The following CTSC variants were observed in gnomAD, a reference collection of about 807,000 sequenced individuals.
The protein encoded by CTSC is cathepsin C.
In CTSC, 37 loss-of-function variants were observed where a neutral mutation model predicts 40.9. The observed-to-expected ratio is 0.91, with a 90% CI of 0.70 to 1.19. The LOEUF (loss-of-function observed/expected upper bound fraction) is 1.19. CTSC is among the 50% of genes most tolerant of loss of function. The probability of loss-of-function intolerance (pLI) is 0.00; values close to 1 mark genes in which losing one functional copy is unlikely to be tolerated. For missense variants in CTSC, 594 were observed against 567.3 expected (o/e 1.05, Z -0.48); for synonymous variants, 232 against 207.4 (o/e 1.12, Z -1.02).
At chr11:88,296,368 G>A in intron 5 of CTSC, 104 bp from the exon 6 acceptor site, 2 of 1,405,228 alleles carry the variant, frequency 1.4e-6, no homozygotes, top group Admixed American at 1.8e-5. Context: ...TATACTGAAT[G>A]TTGTTGTTTA....
chr11:88,294,294 C>A lies in CTSC; in HGVS notation c.1104G>T (p.Gly368=), dbSNP rs1479718336. The change falls in exon 7 of 7, where the codon GGG becomes GGT. Residue 368 remains glycine (G), a synonymous_variant. Transcript: ENST00000227266. ...ATACTTCAAAAGCAACTGCCATGGG[C>A]CCATGATGGACCAACTCAAGCTTCA... ...ALMKLELVHH[G]PMAVAFEVYD... The A allele has an allele frequency of 6.2e-7, 1 of 1,614,056 alleles. No homozygotes were observed. Among genetic ancestry groups the A allele is most frequent in the East Asian group, 2.2e-5 (1 of 44,864 alleles).
intron 4 of CTSC, among the ~76,000 whole-genome samples, chr11:88,306,942 C>G (rs962695468): frequency 1.3e-5 from 2 of 152,208 alleles, no homozygotes; most frequent in Non-Finnish European, 2.9e-5. Context: ...AAGCACCCCC[C>G]ATGGCCTCTG....
At chr11:88,325,502 CTATT>C (rs1289395829) in intron 2 of CTSC, 4 of 985,254 alleles carry the variant, frequency 4.1e-6, no homozygotes, top group Admixed American at 6.2e-5. Context: ...GCTTTTTTCA[CTATT>C]TAGCCCCAAG....
Position 88,330,355 on chromosome 11 carries a change from T to G in CTSC, c.318+4582A>C, listed in dbSNP as rs530359825. Among the ~76,000 whole-genome samples, 5 of 152,128 alleles carry G rather than the reference T, an allele frequency of 3.3e-5. No homozygotes were observed. The East Asian group carries it at 9.7e-4, about 29-fold the overall frequency. On this transcript the variant is annotated intron_variant, in intron 2 of 6. Transcript: ENST00000227266. ...GAGGATGCTGAGTAAGAAAAAATCT[T>G]TCATTTTTTTATTATTATTATTATT...
intron 5 of CTSC, chr11:88,298,187 C>T (rs113324745): frequency 1.2e-4 from 19 of 152,236 alleles, no homozygotes; most frequent in African/African-American, 4.6e-4. Context: ...CTAGACTTTA[C>T]GCATTATGAA....
At chr11:88,327,823 G>T in intron 2 of CTSC, 1 of 421,754 alleles carries the variant, frequency 2.4e-6, no homozygotes, top group Non-Finnish European at 4.4e-6. Context: ...TTTTAGCTGG[G>T]TCTTTACCCT....
intron 4 of CTSC, among the ~76,000 whole-genome samples, chr11:88,304,233 C>T (rs1451267568): frequency 1.3e-5 from 2 of 152,082 alleles, no homozygotes; most frequent in Non-Finnish European, 1.5e-5. Flanking sequence ...TATAATCATG[C>T]TTACCTCAAA....
At chr11:88,297,533 G>A (rs1944312078) in intron 5 of CTSC, 1 of 152,124 alleles carries the variant, frequency 6.6e-6, no homozygotes. Context: ...GTCCCTTTCT[G>A]ACCACCCAGC....
At chr11:88,310,408 T>A (rs1937727275) in intron 3 of CTSC, among the ~76,000 whole-genome samples, 3 of 152,098 alleles carry the variant, frequency 2.0e-5, no homozygotes, top group African/African-American at 7.2e-5. Context: ...ACTCACCATA[T>A]TATTACTATT....
At chr11:88,327,518 C>A (rs931040907) in intron 2 of CTSC, among the ~76,000 whole-genome samples, 1 of 152,176 alleles carries the variant, frequency 6.6e-6, no homozygotes. Context: ...ATGATTTAAA[C>A]ATCTATTCTG....
At chr11:88,301,806 G>GCA (rs1422536773) in intron 4 of CTSC, among the ~76,000 whole-genome samples, 631 of 49,558 alleles carry the variant, frequency 0.013, 3 homozygotes, top group African/African-American at 0.029. Context: ...ACAAACACAC[G>GCA]CGCGCACACA....
At chr11:88,296,046 A>G in intron 6 of CTSC, 87 bp downstream of exon 6, 1 of 1,392,960 alleles carries the variant, frequency 7.2e-7, no homozygotes, top group Non-Finnish European at 1.0e-6. Flanking sequence ...CGCTCTCTCT[A>G]CTGCATCATC....
chr11:88,325,858 A>G (rs751090204), intron 2 of CTSC: 4 of 986,988 alleles, frequency 4.1e-6, no homozygotes, highest in East Asian at 1.1e-4. Flanking sequence ...CTTCCCTTCA[A>G]TAACTTATAT....
Position 88,293,642 on chromosome 11 carries a change from A to T in CTSC, c.*364T>A. ...TAAAAATATGAGCATCTATTTTAAA[A>T]GTTTTGATAATTATTGCCATTATTT... On this transcript the variant is annotated 3_prime_UTR_variant, in exon 7 of 7. Transcript: ENST00000227266. The T allele has an allele frequency of 4.2e-6, 1 of 236,762 alleles. No individual in the cohort carries two copies. The highest frequency in any genetic ancestry group is 8.4e-6 in the Non-Finnish European group (1 of 119,402). 14.7% of individuals were successfully genotyped at this position (236,762 alleles called of 1,614,324 possible). A position where few individuals can be genotyped will look rare whatever the true frequency, so the allele number is the denominator to read the frequency against.
At chr11:88,313,006 A>G (rs1342639515) in intron 2 of CTSC, among the ~76,000 whole-genome samples, 1 of 152,192 alleles carries the variant, frequency 6.6e-6, no homozygotes, top group Non-Finnish European at 1.5e-5. Flanking sequence ...AATTCTCCTC[A>G]GTCTATCACA....
At chr11:88,296,008 C>T in intron 6 of CTSC, 125 bp downstream of exon 6, 1 of 989,626 alleles carries the variant, frequency 1.0e-6, no homozygotes, top group South Asian at 1.3e-5. Flanking sequence ...GCCAGACTTG[C>T]ACTCAGATTT....
In CTSC at chr11:88,293,793, AT is replaced by A; in HGVS notation, c.*212del. 3.3e-6 allele frequency: 2 copies of A among 604,234 alleles called. No homozygotes were observed. Among genetic ancestry groups the A allele is most frequent in the Non-Finnish European group, 5.8e-6 (2 of 342,656 alleles). The allele number at this position is 604,234 out of a possible 1,614,324, so 37.4% of individuals were successfully genotyped here. On this transcript the variant is annotated 3_prime_UTR_variant, in exon 7 of 7. Transcript: ENST00000227266. ...TTCATAGCTGACCATCTTCCAGAAA[AT>A]TCCCACTTAATTGAATACTTAGAAA...
intron 4 of CTSC, among the ~76,000 whole-genome samples, chr11:88,306,977 C>A (rs12292545): frequency 0.31 from 47,085 of 152,060 alleles, 8,241 homozygotes; most frequent in Non-Finnish European, 0.41. Context: ...CATGCTCCCC[C>A]TAGGGGTTTG....
intron 2 of CTSC, chr11:88,324,923 A>G (rs537487086): frequency 1.9e-4 from 190 of 985,374 alleles, no homozygotes; most frequent in Non-Finnish European, 2.2e-4. Flanking sequence ...GCAGAACAGT[A>G]TACCTCTCAG....
Sources: allele counts gnomAD v4.1 joint callset (sites outside exome capture counted in the v4.1 genomes callset), GRCh38; gene constraint gnomAD v4.1.1; transcripts MANE v1.5; gene names NCBI Gene and HGNC (gene_info 2026-07-23, HGNC 2026-07-21).